Variants in METTL24 observed in about 807,000 individuals in gnomAD.
The protein encoded by METTL24 is probable methyltransferase-like protein 24.
METTL24 carries 29 observed loss-of-function variants against 32.7 expected under a neutral mutation model. That is an observed-to-expected ratio of 0.89 (90% CI 0.66 to 1.21). The LOEUF is 1.21. METTL24 is among the 50% of genes most tolerant of loss of function. The probability of loss-of-function intolerance (pLI) is 0.00; values close to 1 mark genes in which losing one functional copy is unlikely to be tolerated. For synonymous variants in METTL24, 163 were observed against 179.5 expected, an observed-to-expected ratio of 0.91 and a Z score of 0.73; for missense variants, 439 against 468.1, an observed-to-expected ratio of 0.94 and a Z score of 0.57.
chr6:110,296,641 T>A (rs554189708), intron 4 of METTL24, among the ~76,000 whole-genome samples: 13 of 152,324 alleles, frequency 8.5e-5, no homozygotes, highest in African/African-American at 3.1e-4. Flanking sequence ...ATATACAGAA[T>A]AGGAAAACTA....
chr6:110,266,171 C>T (rs1460478428), intron 4 of METTL24, among the ~76,000 whole-genome samples: 4 of 152,072 alleles, frequency 2.6e-5, no homozygotes, highest in Admixed American at 1.3e-4. Flanking sequence ...TCCCAAAATG[C>T]TGCAATTACA....
At chr6:110,310,202 T>G (rs937159507) in intron 3 of METTL24, among the ~76,000 whole-genome samples, 3 of 152,172 alleles carry the variant, frequency 2.0e-5, no homozygotes, top group Non-Finnish European at 2.9e-5. Flanking sequence ...GTATCACTTA[T>G]GAAATCATCT....
chr6:110,247,756 A>C (rs915077874), intron 4 of METTL24, among the ~76,000 whole-genome samples: 1 of 152,216 alleles, frequency 6.6e-6, no homozygotes, highest in African/African-American at 2.4e-5. Context: ...AAAAACAGAT[A>C]AACAACAAGA....
intron 4 of METTL24, among the ~76,000 whole-genome samples, chr6:110,252,234 G>A (rs1382434526): frequency 3.3e-5 from 5 of 152,160 alleles, no homozygotes; most frequent in East Asian, 1.9e-4. Context: ...AAAGCAGATC[G>A]GGTGGTTTAA....
Position 110,299,687 on chromosome 6 carries a change from T to C in METTL24, c.558-537A>G, listed in dbSNP as rs530614366. On this transcript the variant is annotated intron_variant, in intron 3 of 4. Coordinates refer to ENST00000338882, the MANE Select transcript of METTL24 (RefSeq NM_001123364.3). ...AAAAGGCAAATGTATGTGATTCTAC[T>C]GCATCCAAAACTCAAGAAGCAGACG... Among the ~76,000 whole-genome samples, 5 of 152,328 alleles carry C rather than the reference T, an allele frequency of 3.3e-5. No homozygotes were observed. In the South Asian group the frequency reaches 1.0e-3, roughly 32 times the overall value.
At chr6:110,297,510 C>T (rs1424550889) in intron 4 of METTL24, among the ~76,000 whole-genome samples, 5 of 152,038 alleles carry the variant, frequency 3.3e-5, no homozygotes, top group Non-Finnish European at 7.4e-5. Flanking sequence ...GAGCATAAAG[C>T]AGGAACAGCA....
intron 4 of METTL24, among the ~76,000 whole-genome samples, chr6:110,295,794 A>AAAAGAAAGAAAGGAAGAAAGGAAGG (rs1771403233): frequency 2.9e-5 from 4 of 136,318 alleles, no homozygotes; most frequent in African/African-American, 1.2e-4. Context: ...AGAAAGAAAG[A>AAAAGAAAGAAAGGAAGAAAGGAAGG]AAGGAAGGAA....
At chr6:110,254,920 G>A (rs970420754) in intron 4 of METTL24, among the ~76,000 whole-genome samples, 1 of 152,138 alleles carries the variant, frequency 6.6e-6, no homozygotes, top group Non-Finnish European at 1.5e-5. Context: ...TCTTGTTGTT[G>A]TAGAAAAATA....
chr6:110,295,959 C>A (rs577182301), intron 4 of METTL24, among the ~76,000 whole-genome samples: 1 of 152,152 alleles, frequency 6.6e-6, no homozygotes, highest in African/African-American at 2.4e-5. Flanking sequence ...TGTTCTCAGA[C>A]CTACTTCTCA....
intron 4 of METTL24, among the ~76,000 whole-genome samples, chr6:110,259,822 G>A (rs993139407): frequency 2.6e-5 from 4 of 152,078 alleles, no homozygotes; most frequent in Non-Finnish European, 4.4e-5. Flanking sequence ...ATCACTGTTC[G>A]GCAGCCTCCA....
At chr6:110,335,966 C>G (rs185478040) in intron 1 of METTL24, among the ~76,000 whole-genome samples, 1 of 152,290 alleles carries the variant, frequency 6.6e-6, no homozygotes, top group East Asian at 1.9e-4. Flanking sequence ...ATAATATAGA[C>G]ATGGCATGCC....
intron 4 of METTL24, among the ~76,000 whole-genome samples, chr6:110,292,909 G>C (rs1771345671): frequency 6.6e-6 from 1 of 151,890 alleles, no homozygotes; most frequent in Non-Finnish European, 1.5e-5. Flanking sequence ...CAACTCTGGA[G>C]GTATGTGGAT....
intron 4 of METTL24, among the ~76,000 whole-genome samples, chr6:110,251,892 C>G (rs890650836): frequency 1.3e-5 from 2 of 151,854 alleles, no homozygotes; most frequent in Non-Finnish European, 2.9e-5. Flanking sequence ...GCCTGTAATC[C>G]CTGCACTTTG....
chr6:110,317,442 C>T (rs373489814), intron 2 of METTL24, among the ~76,000 whole-genome samples: 1 of 152,084 alleles, frequency 6.6e-6, no homozygotes, highest in East Asian at 1.9e-4. Context: ...GTTCATTGGA[C>T]CCTGTTCTGC....
chr6:110,358,197 C>G lies in METTL24; in HGVS notation c.76G>C (p.Gly26Arg), dbSNP rs952371913. The G allele has an allele frequency of 2.7e-6, 4 of 1,458,452 alleles. No homozygotes were observed. The highest frequency in any genetic ancestry group is 2.6e-5 in the South Asian group (2 of 76,180). The allele number at this position is 1,458,452 out of a possible 1,614,324, so 90.3% of individuals were successfully genotyped here. Residue 26 changes from glycine to arginine, a missense_variant, in exon 1 of 5, where the codon GGC becomes CGC. Gly to Arg is a moderately radical substitution (Grantham distance 125, BLOSUM62 -2). Coordinates refer to ENST00000338882, the MANE Select transcript of METTL24 (RefSeq NM_001123364.3). ...RCLLGAVLLF[G>R]LRLCAELRRA... ...CGCAGCTCTGCGCAGAGCCGCAGGC[C>G]GAACAACAGCACAGCCCCGAGTAGA... is the stretch of plus-strand genomic sequence containing the variant.
intron 4 of METTL24, among the ~76,000 whole-genome samples, chr6:110,292,910 G>A (rs1387078836): frequency 2.0e-5 from 3 of 151,876 alleles, no homozygotes; most frequent in Non-Finnish European, 4.4e-5. Flanking sequence ...AACTCTGGAG[G>A]TATGTGGATT....
chr6:110,307,007 C>G (rs866382328), intron 3 of METTL24, among the ~76,000 whole-genome samples: 6 of 152,300 alleles, frequency 3.9e-5, no homozygotes, highest in African/African-American at 1.4e-4. Context: ...GTCCGCAGTG[C>G]TGAATAGATG....
At chr6:110,309,008 G>A (rs1301073927) in intron 3 of METTL24, among the ~76,000 whole-genome samples, 1 of 152,108 alleles carries the variant, frequency 6.6e-6, no homozygotes, top group Non-Finnish European at 1.5e-5. Context: ...GGGTACAGAG[G>A]CTTCTTTTTT....
intron 1 of METTL24, among the ~76,000 whole-genome samples, chr6:110,351,956 A>T (rs901259804): frequency 6.6e-6 from 1 of 152,244 alleles, no homozygotes; most frequent in African/African-American, 2.4e-5. Context: ...ATTCTAAAAA[A>T]ATTTAATTGT....
Sources: gnomAD v4.1 joint callset for allele counts (sites outside exome capture counted in the v4.1 genomes callset) on GRCh38, gnomAD v4.1.1 for gene constraint, MANE v1.5 for transcripts, NCBI Gene and HGNC (gene_info 2026-07-23, HGNC 2026-07-21) for gene names.